Variants in AK3 observed in about 807,000 individuals in gnomAD.
AK3 encodes the protein GTP:AMP phosphotransferase AK3, mitochondrial.
AK3 carries 27 observed loss-of-function variants against 23.7 expected under a neutral mutation model. That is an observed-to-expected ratio of 1.14 (90% CI 0.84 to 1.57). AK3 has a LOEUF of 1.57. Ranked by LOEUF, AK3 falls within the 40% of genes most tolerant of loss-of-function variation. AK3 has a pLI of 0.00. For missense variants in AK3, 406 were observed against 285.6 expected (o/e 1.42, Z -3.04); for synonymous variants, 159 against 116.0 (o/e 1.37, Z -2.38).
intron 4 of AK3, 113 bp downstream of exon 4, chr9:4,718,306 C>A: frequency 1.3e-6 from 1 of 763,814 alleles, no homozygotes; most frequent in Non-Finnish European, 2.3e-6. Context: ...TTACTTAAGC[C>A]CATGTGAACT....
At chr9:4,723,325 C>T (rs1841948389) in intron 1 of AK3, among the ~76,000 whole-genome samples, 2 of 152,092 alleles carry the variant, frequency 1.3e-5, no homozygotes. Flanking sequence ...CTGAAATCAT[C>T]ATTATTTTGA....
Position 4,722,466 on chromosome 9 carries a change from T to C in AK3, c.271+40A>G, listed in dbSNP as rs561982310. 2.0e-5 allele frequency: 32 copies of C among 1,613,600 alleles called. 1 individual carries two copies. In the Admixed American group the frequency reaches 3.3e-4, roughly 17 times the overall value. On this transcript the variant is annotated intron_variant, in intron 2 of 4. Transcript: ENST00000381809. Reference sequence around the variant, plus strand: ...ATGCTCATTCTCCTGCCAGCACTGATTATTTTGGGCAGGTGAAATGCTCAT... The same window carrying C: ...ATGCTCATTCTCCTGCCAGCACTGACTATTTTGGGCAGGTGAAATGCTCAT...
chr9:4,736,213 T>C (rs149453253), intron 1 of AK3, among the ~76,000 whole-genome samples: 18 of 152,080 alleles, frequency 1.2e-4, no homozygotes, highest in African/African-American at 1.9e-4. Flanking sequence ...GGATACATTA[T>C]ATGGTATGTT....
Position 4,719,318 on chromosome 9 carries a change from T to C in AK3, c.272-11A>G, listed in dbSNP as rs756309377. The C allele has an allele frequency of 1.0e-5, 10 of 987,896 alleles. No homozygotes were observed. Among genetic ancestry groups the C allele is most frequent in the East Asian group, 1.0e-4 (1 of 9,708 alleles). 61.2% of individuals were successfully genotyped at this position (987,896 alleles called of 1,614,324 possible). A position where few individuals can be genotyped will look rare whatever the true frequency, so the allele number is the denominator to read the frequency against. On this transcript the variant is annotated splice_polypyrimidine_tract_variant and intron_variant, in intron 2 of 4. Coordinates refer to ENST00000381809, the MANE Select transcript of AK3 (RefSeq NM_016282.4). ...GTGTCCTTGGAAAACCTTTATAAAGTAAAAAAGAAAAAGAAGAAGAAAAAA... is the reference window on the plus strand; with the variant it reads ...GTGTCCTTGGAAAACCTTTATAAAGCAAAAAAGAAAAAGAAGAAGAAAAAA...
In AK3 at chr9:4,741,125, G is replaced by C; in HGVS notation, c.-38C>G. On this transcript the variant is annotated 5_prime_UTR_variant, in exon 1 of 5. Coordinates refer to ENST00000381809, the MANE Select transcript of AK3 (RefSeq NM_016282.4). ...AGGCCCGCACCGCGCGGGTACCAGG[G>C]CTTTGGCCTGGCCTGCGCGCTCACC... The C allele has an allele frequency of 2.1e-6, 3 of 1,459,586 alleles. No homozygotes were observed. The South Asian group carries it at 4.1e-5, about 20-fold the overall frequency. The allele number at this position is 1,459,586 out of a possible 1,614,324, so 90.4% of individuals were successfully genotyped here.
chr9:4,731,515 C>T (rs1393564107), intron 1 of AK3, among the ~76,000 whole-genome samples: 1 of 150,798 alleles, frequency 6.6e-6, no homozygotes, highest in Non-Finnish European at 1.5e-5. Context: ...TATCAATAAG[C>T]ATTTATCCAC....
upstream of AK3, chr9:4,741,360 G>T (rs1190853829): frequency 3.3e-6 from 1 of 299,912 alleles, no homozygotes; most frequent in Non-Finnish European, 5.9e-6. Context: ...CGCGCAAGCC[G>T]CGCCCCCTCT....
chr9:4,718,537 C>T lies in AK3; in HGVS notation c.445G>A (p.Gly149Ser), dbSNP rs1315210740. The T allele has an allele frequency of 6.2e-7, 1 of 1,601,088 alleles. No individual in the cohort carries two copies. The highest frequency in any genetic ancestry group is 8.6e-7 in the Non-Finnish European group (1 of 1,168,504). ...GGCTCCCCAGTCAGGTCATCAATGCCCTAAACAGGATTAGAAGAGACTAGT... is the reference window on the plus strand; with the variant it reads ...GGCTCCCCAGTCAGGTCATCAATGCTCTAAACAGGATTAGAAGAGACTAGT... ...NIEFNPPKTV[G>S]IDDLTGEPLI... The change falls in exon 4 of 5, where the codon GGC becomes AGC. Residue 149 changes from glycine (G) to serine (S), a missense_variant and splice_region_variant. Transcript: ENST00000381809.
intron 1 of AK3, among the ~76,000 whole-genome samples, chr9:4,738,721 AATAG>A (rs1842352789): frequency 1.3e-5 from 2 of 151,674 alleles, no homozygotes; most frequent in Admixed American, 6.6e-5. Context: ...ATTTGCATGA[AATAG>A]ATATAGTTTC....
In AK3 at chr9:4,712,429, A is replaced by T. The variant is rs747781007; in HGVS notation, c.*547T>A. On this transcript the variant is annotated 3_prime_UTR_variant, in exon 5 of 5. Transcript: ENST00000381809. Reference sequence around the variant, plus strand: ...AAAATAAATACAGCATATATGGTTAACATATACATTTCTTAGTGTAAAGGC... The same window carrying T: ...AAAATAAATACAGCATATATGGTTATCATATACATTTCTTAGTGTAAAGGC... 6.6e-6 allele frequency: 1 copy of T among 152,282 alleles called. No individual in the cohort carries two copies. The highest frequency in any genetic ancestry group is 1.5e-5 in the Non-Finnish European group (1 of 68,076). 9.4% of individuals were successfully genotyped at this position (152,282 alleles called of 1,614,324 possible). A position where few individuals can be genotyped will look rare whatever the true frequency, so the allele number is the denominator to read the frequency against.
intron 4 of AK3, among the ~76,000 whole-genome samples, chr9:4,715,232 A>AG (rs1841691502): frequency 6.6e-6 from 1 of 150,910 alleles, no homozygotes; most frequent in African/African-American, 2.4e-5. Flanking sequence ...AAAAAAAAAA[A>AG]AAAAGAAAGA....
At chr9:4,734,650 A>C (rs1842228485) in intron 1 of AK3, among the ~76,000 whole-genome samples, 1 of 152,252 alleles carries the variant, frequency 6.6e-6, no homozygotes, top group Non-Finnish European at 1.5e-5. Context: ...TCTTTGAGAC[A>C]GTATTCATGA....
At chr9:4,719,036 T>G in intron 3 of AK3, 99 bp downstream of exon 3, 1 of 1,280,770 alleles carries the variant, frequency 7.8e-7, no homozygotes, top group Non-Finnish European at 1.1e-6. Context: ...CCTCAGGAGT[T>G]TTGGTCAGAG....
At position 4,711,494 on chromosome 9, in the gene AK3, C is replaced by G. The variant is rs1447835438; in HGVS notation, c.*1482G>C. ...AAAGATCGATGAATTTTTTAAATATCAGAAGAAAAGGGAAATAAAATTTTC... is the reference window on the plus strand; with the variant it reads ...AAAGATCGATGAATTTTTTAAATATGAGAAGAAAAGGGAAATAAAATTTTC... On this transcript the variant is annotated 3_prime_UTR_variant, in exon 5 of 5. Coordinates refer to ENST00000381809, the MANE Select transcript of AK3 (RefSeq NM_016282.4). The G allele has an allele frequency of 8.5e-5, 13 of 152,368 alleles. No homozygotes were observed. The allele number at this position is 152,368 out of a possible 1,614,324, so 9.4% of individuals were successfully genotyped here.
In AK3 at chr9:4,714,837, A is replaced by G. The variant is rs200765186; in HGVS notation, c.564-1741T>C. On this transcript the variant is annotated intron_variant, in intron 4 of 4. Transcript: ENST00000381809. ...CAACTGTCAGCATTTCTAAATAACA[A>G]TGCTGACTATTACTAACATTCTTGC... Among the ~76,000 whole-genome samples, 23 of 152,336 alleles carry G rather than the reference A, an allele frequency of 1.5e-4. No homozygotes were observed. In the East Asian group the frequency reaches 4.4e-3, roughly 29 times the overall value.
At chr9:4,733,535 C>A (rs1842202356) in intron 1 of AK3, among the ~76,000 whole-genome samples, 1 of 152,154 alleles carries the variant, frequency 6.6e-6, no homozygotes, top group African/African-American at 2.4e-5. Context: ...TGGAATATTG[C>A]ACAAGAATTA....
At chr9:4,740,727 C>A (rs374611745) in intron 1 of AK3, among the ~76,000 whole-genome samples, 1 of 152,208 alleles carries the variant, frequency 6.6e-6, no homozygotes, top group Admixed American at 6.5e-5. Context: ...TCCCTTCCCC[C>A]ACCGCCACCC....
intron 4 of AK3, among the ~76,000 whole-genome samples, chr9:4,716,994 C>T (rs959685862): frequency 2.0e-5 from 3 of 152,172 alleles, no homozygotes; most frequent in Admixed American, 6.5e-5. Flanking sequence ...CATACATACG[C>T]TATTACAACA....
At chr9:4,719,791 C>T (rs577917622) in intron 2 of AK3, among the ~76,000 whole-genome samples, 2 of 152,258 alleles carry the variant, frequency 1.3e-5, no homozygotes, top group Non-Finnish European at 2.9e-5. Flanking sequence ...ACTGGCCGGG[C>T]GCAGTGGCTC....
Sources: allele counts gnomAD v4.1 joint callset (sites outside exome capture counted in the v4.1 genomes callset), GRCh38; gene constraint gnomAD v4.1.1; transcripts MANE v1.5; gene names NCBI Gene and HGNC (gene_info 2026-07-23, HGNC 2026-07-21).